The following TRPM3 variants were observed in gnomAD, a reference collection of about 807,000 sequenced individuals.
The protein encoded by TRPM3 is long transient receptor potential channel 3.
In TRPM3, 77 loss-of-function variants were observed where a neutral mutation model predicts 181.2. That is an observed-to-expected ratio of 0.42 (90% confidence interval 0.35 to 0.51). TRPM3 has a LOEUF of 0.51. Among genes scored for constraint, TRPM3 ranks in the 20% least tolerant of loss-of-function variants. The pLI is 0.01. For synonymous variants in TRPM3, 745 were observed against 796.4 expected (o/e 0.94, Z 1.09); for missense variants, 1,759 against 2,196.7 (o/e 0.80, Z 3.98).
intron 8 of TRPM3, among the ~76,000 whole-genome samples, chr9:70,742,402 T>A (rs1173099020): frequency 6.6e-6 from 1 of 152,130 alleles, no homozygotes; most frequent in African/African-American, 2.4e-5. Context: ...AATTAGCATA[T>A]CCATCACATC....
Position 70,610,694 on chromosome 9 carries a change from A to ACTT in TRPM3, c.2579_2581dup (p.Glu860dup). On this transcript the variant is annotated inframe_insertion, in exon 19 of 26. Transcript: ENST00000677713. ...GGGGATTAACCGGTGCTTGCTCTGA[A>ACTT]CTTCCTCTTCATCCTTCTTCCTGGA... 3 of 1,614,074 alleles carry ACTT rather than the reference A, an allele frequency of 1.9e-6. No individual in the cohort carries two copies. The highest frequency in any genetic ancestry group is 2.5e-6 in the Non-Finnish European group (3 of 1,179,974).
At chr9:70,752,455 G>A (rs2076362147) in intron 8 of TRPM3, among the ~76,000 whole-genome samples, 2 of 152,080 alleles carry the variant, frequency 1.3e-5, no homozygotes, top group South Asian at 4.1e-4. Flanking sequence ...CATTTTAGTA[G>A]AATATATAGA....
chr9:70,624,939 C>T (rs1672886333), intron 14 of TRPM3, among the ~76,000 whole-genome samples: 2 of 152,072 alleles, frequency 1.3e-5, no homozygotes, highest in Non-Finnish European at 2.9e-5. Flanking sequence ...GGTAGAATTC[C>T]CATAGATAAA....
At chr9:70,803,451 G>GTTTTT (rs36024262) in intron 6 of TRPM3, among the ~76,000 whole-genome samples, 2 of 125,326 alleles carry the variant, frequency 1.6e-5, no homozygotes, top group South Asian at 2.6e-4. Flanking sequence ...CGTTTTTGTT[G>GTTTTT]TTTTTTTTTT....
At chr9:70,629,980 G>A (rs535330921) in intron 12 of TRPM3, among the ~76,000 whole-genome samples, 5 of 152,362 alleles carry the variant, frequency 3.3e-5, no homozygotes, top group African/African-American at 9.6e-5. Flanking sequence ...TGGACTCTGA[G>A]GGGGATGGCA....
intron 1 of TRPM3, among the ~76,000 whole-genome samples, chr9:70,870,931 A>G (rs1012347230): frequency 6.6e-6 from 1 of 151,984 alleles, no homozygotes; most frequent in African/African-American, 2.4e-5. Context: ...ACTATATTTT[A>G]TATAGTCAGA....
At chr9:71,236,615 A>G (rs1195660713) in intron 1 of TRPM3, among the ~76,000 whole-genome samples, 1 of 152,186 alleles carries the variant, frequency 6.6e-6, no homozygotes, top group Non-Finnish European at 1.5e-5. Context: ...AGGTCATAAG[A>G]GATAAGATAC....
At chr9:71,215,763 G>A (rs2079825071) in intron 1 of TRPM3, among the ~76,000 whole-genome samples, 1 of 152,130 alleles carries the variant, frequency 6.6e-6, no homozygotes, top group African/African-American at 2.4e-5. Flanking sequence ...ATTGTGTAAG[G>A]CACTTGCTCA....
chr9:70,980,210 A>G (rs79637155), intron 1 of TRPM3, among the ~76,000 whole-genome samples: 68 of 152,234 alleles, frequency 4.5e-4, no homozygotes, highest in African/African-American at 1.5e-3. Context: ...TACCAGGAGG[A>G]GAGATCAGCA....
chr9:71,331,814 A>T (rs1176082391), intron 1 of TRPM3, among the ~76,000 whole-genome samples: 1 of 7,102 alleles, frequency 1.4e-4, no homozygotes, highest in African/African-American at 2.9e-4. Flanking sequence ...AAAGACGAGG[A>T]GAGAGGAGAA....
At chr9:70,577,656 G>A (rs1046819524) in intron 22 of TRPM3, among the ~76,000 whole-genome samples, 1 of 152,196 alleles carries the variant, frequency 6.6e-6, no homozygotes. Context: ...GCTTAAGTAC[G>A]ACTGCCATAC....
At chr9:71,097,103 A>G (rs1178057625) in intron 1 of TRPM3, among the ~76,000 whole-genome samples, 2 of 152,106 alleles carry the variant, frequency 1.3e-5, no homozygotes, top group African/African-American at 4.8e-5. Context: ...TTGCTGTCAG[A>G]AAGACTCTAG....
intron 1 of TRPM3, among the ~76,000 whole-genome samples, chr9:71,032,163 AAT>A (rs2057588432): frequency 1.0e-5 from 1 of 97,606 alleles, no homozygotes; most frequent in Non-Finnish European, 2.0e-5. Context: ...TATATTATAT[AAT>A]ATATTATATA....
At chr9:70,764,993 C>T (rs1571330) in intron 7 of TRPM3, among the ~76,000 whole-genome samples, 33,306 of 152,116 alleles carry the variant, frequency 0.22, 4,488 homozygotes, top group Non-Finnish European at 0.3. Flanking sequence ...GTCTGTAGCA[C>T]GTCATGGTTT....
chr9:70,789,543 A>AG (rs1411482427), intron 6 of TRPM3, among the ~76,000 whole-genome samples: 1 of 152,212 alleles, frequency 6.6e-6, no homozygotes, highest in East Asian at 1.9e-4. Flanking sequence ...CCAATTCCTT[A>AG]GTTGATTGCA....
chr9:70,545,612 T>A (rs1284388580), intron 25 of TRPM3, among the ~76,000 whole-genome samples: 1 of 132,878 alleles, frequency 7.5e-6, no homozygotes, highest in Non-Finnish European at 1.5e-5. Flanking sequence ...AGTGGTACGA[T>A]CTCTGCTCAC....
At chr9:71,436,285 T>C (rs1463419402) in intron 1 of TRPM3, among the ~76,000 whole-genome samples, 1 of 70,178 alleles carries the variant, frequency 1.4e-5, no homozygotes, top group Non-Finnish European at 3.8e-5. Context: ...AAACCTCTCT[T>C]TTTTTTTTCT....
At chr9:70,656,233 T>C (rs1213621322) in intron 9 of TRPM3, among the ~76,000 whole-genome samples, 2 of 152,230 alleles carry the variant, frequency 1.3e-5, no homozygotes, top group African/African-American at 4.8e-5. Context: ...ACATTTGGCA[T>C]AGGGGTTAAA....
intron 8 of TRPM3, among the ~76,000 whole-genome samples, chr9:70,749,255 T>A (rs536270284): frequency 6.6e-6 from 1 of 152,292 alleles, no homozygotes; most frequent in African/African-American, 2.4e-5. Flanking sequence ...AGTACTCTAG[T>A]ATGCAATGTT....
Sources: allele counts gnomAD v4.1 joint callset (sites outside exome capture counted in the v4.1 genomes callset), GRCh38; gene constraint gnomAD v4.1.1; transcripts MANE v1.5; gene names NCBI Gene and HGNC (gene_info 2026-07-23, HGNC 2026-07-21).